The following PYGB variants were observed in gnomAD, a reference collection of about 807,000 sequenced individuals.
PYGB encodes the protein glycogen phosphorylase B.
Under a neutral mutation model 94.3 loss-of-function variants are expected in PYGB, and 82 were observed. The ratio of observed to expected loss-of-function variants is 0.87; its 90% CI spans 0.73 to 1.04. The LOEUF (loss-of-function observed/expected upper bound fraction) is 1.04, where lower values mean the gene tolerates loss of function less well. PYGB is among the 50% of genes least tolerant of loss of function. The pLI is 0.00. For missense variants in PYGB, 1,132 were observed against 1,158.2 expected, an observed-to-expected ratio of 0.98 and a Z score of 0.33; for synonymous variants, 488 against 479.1, an observed-to-expected ratio of 1.02 and a Z score of -0.24.
intron 2 of PYGB, among the ~76,000 whole-genome samples, chr20:25,261,350 G>C (rs2092913063): frequency 6.6e-6 from 1 of 152,220 alleles, no homozygotes; most frequent in Non-Finnish European, 1.5e-5. Context: ...AGCCTCTGCT[G>C]GTGATACCCA....
At chr20:25,265,064 G>T (rs2088205161) in intron 2 of PYGB, among the ~76,000 whole-genome samples, 1 of 152,190 alleles carries the variant, frequency 6.6e-6, no homozygotes, top group Non-Finnish European at 1.5e-5. Context: ...GCATGGTACT[G>T]GTACCAAAAC....
At position 25,280,973 on chromosome 20, in the gene PYGB, G is replaced by T. The variant is rs748581179; in HGVS notation, c.1264G>T (p.Asp422Tyr). Residue 422 changes from aspartate to tyrosine, a missense_variant, in exon 11 of 20, where the codon GAT becomes TAT. Coordinates refer to ENST00000216962, the MANE Select transcript of PYGB (RefSeq NM_002862.4). Reference protein sequence around the residue: ...LDHVAALFPGDVDRLRRMSVI... With the variant: ...LDHVAALFPGYVDRLRRMSVI... ...GCACGTGGCCGCGCTGTTTCCCGGC[G>T]ATGTGGACCGCCTGCGCAGGATGTC... 1.9e-6 allele frequency: 3 copies of T among 1,614,026 alleles called. No individual in the cohort carries two copies. In the East Asian group the frequency reaches 6.7e-5, roughly 36 times the overall value.
intron 1 of PYGB, among the ~76,000 whole-genome samples, chr20:25,251,461 A>C (rs1555330): frequency 0.42 from 63,987 of 152,128 alleles, 15,034 homozygotes; most frequent in East Asian, 0.92. Context: ...AAATGTTTCT[A>C]TTTCATATTG....
At chr20:25,292,051 G>A (rs780841756) in intron 16 of PYGB, among the ~76,000 whole-genome samples, 8 of 152,292 alleles carry the variant, frequency 5.3e-5, no homozygotes, top group Non-Finnish European at 7.4e-5. Context: ...GATCAAGGTC[G>A]CGGTGATCCA....
intron 19 of PYGB, 97 bp from the exon 20 acceptor site, chr20:25,296,273 G>T: frequency 6.8e-7 from 1 of 1,471,064 alleles, no homozygotes; most frequent in Middle Eastern, 1.7e-4. Context: ...AAGGCTCGGA[G>T]CTCATTTGGA....
intron 18 of PYGB, chr20:25,295,080 G>A (rs1219511667): frequency 1.3e-6 from 2 of 1,570,732 alleles, no homozygotes; most frequent in Non-Finnish European, 1.8e-6. Flanking sequence ...ATTTCGTGAA[G>A]TGTGCTTCTG....
rs141342768 is a variant in PYGB, at chr20:25,280,321, A to G, written c.1148A>G (p.Glu383Gly). ...CAYTNHTVLP[E>G]ALERWPVSMF... ...TACACCAACCACACTGTGCTGCCTG[A>G]GGCCTTGGAGCGCTGGCCCGTGTCC... is the stretch of plus-strand genomic sequence containing the variant. The change falls in exon 10 of 20, where the codon GAG (glutamate) becomes GGG (glycine). Residue 383 changes from glutamate (E) to glycine (G), a missense_variant. Transcript: ENST00000216962. 2 of 1,613,978 alleles carry G rather than the reference A, an allele frequency of 1.2e-6. No individual in the cohort carries two copies. Among genetic ancestry groups the G allele is most frequent in the Non-Finnish European group, 1.7e-6 (2 of 1,179,932 alleles).
chr20:25,270,850 A>G (rs2088260354), intron 3 of PYGB, among the ~76,000 whole-genome samples: 2 of 152,254 alleles, frequency 1.3e-5, no homozygotes, highest in South Asian at 2.1e-4. Context: ...AGACGTTTTG[A>G]TTGGAACAAG....
intron 2 of PYGB, among the ~76,000 whole-genome samples, chr20:25,261,285 C>T (rs1004207047): frequency 6.6e-6 from 1 of 152,204 alleles, no homozygotes; most frequent in African/African-American, 2.4e-5. Context: ...GACGAAGCTT[C>T]CAGAGGAACG....
At chr20:25,278,922 C>T in intron 8 of PYGB, 135 bp from the exon 9 acceptor site, 2 of 806,086 alleles carry the variant, frequency 2.5e-6, no homozygotes, top group South Asian at 3.4e-5. Context: ...CACAGAACCC[C>T]TCCCTGTTCT....
At chr20:25,292,240 G>C (rs1037753690) in intron 16 of PYGB, among the ~76,000 whole-genome samples, 166 bp from the exon 17 acceptor site, 3 of 151,048 alleles carry the variant, frequency 2.0e-5, no homozygotes, top group African/African-American at 7.3e-5. Flanking sequence ...GCCGTGTCCA[G>C]CCTGGGCCCC....
rs1452807457 is a variant in PYGB, at chr20:25,248,343, G to C, written c.165G>C (p.Ala55=). The change falls in exon 1 of 20, where the codon GCG becomes GCC. Residue 55 remains alanine, a synonymous_variant. Coordinates refer to ENST00000216962, the MANE Select transcript of PYGB (RefSeq NM_002862.4). ...NVATPRDYFF[A]LAHTVRDHLV... is the part of the protein sequence containing the mutation. ...CCACGCCCCGCGACTACTTCTTCGC[G>C]CTGGCGCACACGGTGCGCGACCACC... 3.1e-6 allele frequency: 5 copies of C among 1,602,724 alleles called. No homozygotes were observed. Among genetic ancestry groups the C allele is most frequent in the Non-Finnish European group, 3.4e-6 (4 of 1,175,400 alleles).
chr20:25,268,455 A>G (rs1164215337), intron 2 of PYGB, among the ~76,000 whole-genome samples: 1 of 151,642 alleles, frequency 6.6e-6, no homozygotes, highest in Non-Finnish European at 1.5e-5. Flanking sequence ...TTATTTTTAA[A>G]TGAATTCATA....
chr20:25,269,377 AATGT>A (rs1411710532), intron 3 of PYGB, among the ~76,000 whole-genome samples, 170 bp downstream of exon 3: 2 of 152,114 alleles, frequency 1.3e-5, no homozygotes, highest in Admixed American at 6.6e-5. Flanking sequence ...AAAGGGGGAA[AATGT>A]ATGTTTTCTT....
chr20:25,260,039 G>C (rs2092910142), intron 2 of PYGB, among the ~76,000 whole-genome samples: 1 of 152,132 alleles, frequency 6.6e-6, no homozygotes, highest in African/African-American at 2.4e-5. Flanking sequence ...AGGAGTGGGG[G>C]TGTTTTGTTG....
chr20:25,264,530 C>T (rs566556500), intron 2 of PYGB, among the ~76,000 whole-genome samples: 8 of 152,266 alleles, frequency 5.3e-5, no homozygotes, highest in Non-Finnish European at 1.0e-4. Flanking sequence ...AAAACCCCAT[C>T]ATCTCAGCCC....
intron 5 of PYGB, among the ~76,000 whole-genome samples, chr20:25,276,343 A>T (rs1360188254): frequency 6.6e-6 from 1 of 151,990 alleles, no homozygotes; most frequent in Non-Finnish European, 1.5e-5. Context: ...GGGAGTCGGG[A>T]TGGGGATGAT....
At chr20:25,267,028 G>C (rs1238101362) in intron 2 of PYGB, among the ~76,000 whole-genome samples, 3 of 152,202 alleles carry the variant, frequency 2.0e-5, no homozygotes, top group Non-Finnish European at 4.4e-5. Flanking sequence ...TACATGAAAA[G>C]CTGTATATGA....
chr20:25,290,490 G>A lies in PYGB; in HGVS notation c.1837G>A (p.Gly613Ser), dbSNP rs1227472244. ...TVMIGGKAAPGYHMAKLIIKL... is the reference protein window; with the variant it reads ...TVMIGGKAAPSYHMAKLIIKL... The stretch of plus-strand genomic sequence containing the variant: ...CACCCTCTCCTTCCAGGCAGCGCCC[G>A]GTTACCACATGGCCAAGCTGATCAT... Residue 613 changes from glycine to serine, a missense_variant, in exon 16 of 20, where the codon GGT (glycine) becomes AGT (serine). Physicochemically the swap from Gly to Ser is moderately conservative, Grantham distance 56 (BLOSUM62 0). Transcript: ENST00000216962. The A allele has an allele frequency of 4.4e-6, 7 of 1,604,600 alleles. No homozygotes were observed. The highest frequency in any genetic ancestry group is 1.3e-5 in the African/African-American group (1 of 74,816).
Sources: allele counts gnomAD v4.1 joint callset (sites outside exome capture counted in the v4.1 genomes callset), GRCh38; gene constraint gnomAD v4.1.1; transcripts MANE v1.5; gene names NCBI Gene and HGNC (gene_info 2026-07-23, HGNC 2026-07-21).